The following ADGRL3 variants were observed in gnomAD, a reference collection of about 807,000 sequenced individuals.
ADGRL3 encodes the protein calcium-independent alpha-latrotoxin receptor 3.
A neutral mutation model predicts 153.5 loss-of-function variants in ADGRL3; 62 were observed. The observed-to-expected ratio is 0.40, with a 90% CI of 0.33 to 0.50. The LOEUF is 0.50. ADGRL3 is among the 20% of genes least tolerant of loss of function. The probability of loss-of-function intolerance (pLI) is 0.47; values close to 1 mark genes in which losing one functional copy is unlikely to be tolerated. For missense variants in ADGRL3, 1,641 were observed against 1,859.4 expected, an observed-to-expected ratio of 0.88 and a Z score of 2.16; for synonymous variants, 710 against 672.5, an observed-to-expected ratio of 1.06 and a Z score of -0.86.
intron 2 of ADGRL3, among the ~76,000 whole-genome samples, chr4:61,386,752 T>C (rs1377055673): frequency 1.3e-5 from 2 of 152,186 alleles, no homozygotes; most frequent in African/African-American, 2.4e-5. Flanking sequence ...AAACACTGCC[T>C]TAATCAGAAA....
intron 9 of ADGRL3, among the ~76,000 whole-genome samples, chr4:61,845,188 T>A (rs1248747756): frequency 5.3e-5 from 8 of 152,186 alleles, no homozygotes; most frequent in Admixed American, 5.2e-4. Flanking sequence ...TCACAAAATG[T>A]TTTGGAATGC....
intron 17 of ADGRL3, among the ~76,000 whole-genome samples, chr4:61,974,439 A>T (rs1008067828): frequency 5.3e-5 from 8 of 152,242 alleles, no homozygotes; most frequent in African/African-American, 1.9e-4. Flanking sequence ...TATTTTTCTG[A>T]TCCTCTCTAT....
chr4:61,500,760 A>G (rs1184700216), intron 3 of ADGRL3, among the ~76,000 whole-genome samples: 1 of 152,182 alleles, frequency 6.6e-6, no homozygotes, highest in Non-Finnish European at 1.5e-5. Context: ...AGTTCACTTA[A>G]TATTCACTAT....
intron 2 of ADGRL3, among the ~76,000 whole-genome samples, chr4:61,476,211 G>A (rs766098147): frequency 1.3e-5 from 2 of 151,956 alleles, no homozygotes; most frequent in Non-Finnish European, 2.9e-5. Context: ...GTTTATAAGG[G>A]CAATAACTCT....
intron 1 of ADGRL3, among the ~76,000 whole-genome samples, chr4:61,253,815 A>G (rs2091707478): frequency 2.0e-5 from 3 of 152,146 alleles, no homozygotes; most frequent in Non-Finnish European, 4.4e-5. Context: ...CTTTATAATG[A>G]AAGTGAGCTT....
At chr4:61,923,167 A>G (rs2098778135) in intron 13 of ADGRL3, among the ~76,000 whole-genome samples, 1 of 152,236 alleles carries the variant, frequency 6.6e-6, no homozygotes, top group Non-Finnish European at 1.5e-5. Flanking sequence ...AAAAAACTCA[A>G]GAGTCTGAGT....
At chr4:61,393,132 A>G (rs2096832535) in intron 2 of ADGRL3, among the ~76,000 whole-genome samples, 2 of 152,126 alleles carry the variant, frequency 1.3e-5, no homozygotes, top group South Asian at 4.1e-4. Flanking sequence ...TCATTTGTCC[A>G]ATTAGCAAGA....
chr4:61,775,728 G>T, intron 8 of ADGRL3: 1 of 1,052,668 alleles, frequency 9.5e-7, no homozygotes, highest in Non-Finnish European at 1.5e-6. Flanking sequence ...GCTTGTCTAA[G>T]CCTTTGGTAG....
At chr4:61,814,693 C>T (rs2097668095) in intron 9 of ADGRL3, among the ~76,000 whole-genome samples, 1 of 152,086 alleles carries the variant, frequency 6.6e-6, no homozygotes, top group South Asian at 2.1e-4. Context: ...AACATGTTTT[C>T]TGTATAGCCT....
At chr4:61,573,484 A>G (rs1296194322) in intron 4 of ADGRL3, among the ~76,000 whole-genome samples, 5 of 151,978 alleles carry the variant, frequency 3.3e-5, no homozygotes, top group African/African-American at 4.8e-5. Flanking sequence ...GAGAACATAT[A>G]TCTAATTTCT....
At chr4:61,714,563 A>G (rs2151528456) in intron 6 of ADGRL3, among the ~76,000 whole-genome samples, 1 of 152,220 alleles carries the variant, frequency 6.6e-6, no homozygotes, top group Admixed American at 6.5e-5. Context: ...ACTTTCCTCC[A>G]TGCCAGTGGC....
At position 62,031,411 on chromosome 4, in the gene ADGRL3, A is replaced by C. The variant is rs371226577; in HGVS notation, c.3423-31A>C. On this transcript the variant is annotated intron_variant, in intron 22 of 26. Transcript: ENST00000683033. ...GTTGTTAATTAAAGATCAATTATTT[A>C]ATAACCCTTAATTTTCTCTTCTCTC... The C allele has an allele frequency of 4.6e-5, 70 of 1,532,944 alleles. No individual in the cohort carries two copies. The African/African-American group carries it at 8.6e-4, about 19-fold the overall frequency. The allele number at this position is 1,532,944 out of a possible 1,614,324, so 95.0% of individuals were successfully genotyped here.
intron 19 of ADGRL3, among the ~76,000 whole-genome samples, chr4:61,987,759 T>C (rs2099090858): frequency 1.3e-5 from 2 of 152,190 alleles, no homozygotes; most frequent in African/African-American, 2.4e-5. Context: ...TGGAACTTCA[T>C]GATTCTTAAG....
chr4:62,043,186 T>C (rs1729325124), intron 24 of ADGRL3, among the ~76,000 whole-genome samples: 9 of 152,144 alleles, frequency 5.9e-5, no homozygotes, highest in Admixed American at 5.9e-4. Flanking sequence ...TACTTTTGCA[T>C]TTATTTTTGT....
chr4:61,853,152 C>A (rs1477840183), intron 9 of ADGRL3, among the ~76,000 whole-genome samples: 1 of 152,032 alleles, frequency 6.6e-6, no homozygotes, highest in Non-Finnish European at 1.5e-5. Flanking sequence ...AAGTCCCTAA[C>A]TGAATTCTGT....
chr4:61,709,984 A>T (rs1286192636), intron 6 of ADGRL3, among the ~76,000 whole-genome samples: 1 of 152,186 alleles, frequency 6.6e-6, no homozygotes, highest in African/African-American at 2.4e-5. Context: ...TCAAGGAAGC[A>T]TATATTATTA....
chr4:61,279,148 A>G (rs916557773), intron 1 of ADGRL3, among the ~76,000 whole-genome samples: 5 of 152,168 alleles, frequency 3.3e-5, no homozygotes, highest in Non-Finnish European at 7.3e-5. Context: ...AAGTTGTAAT[A>G]TTTCAGCTTA....
chr4:61,459,628 C>T (rs945062084), intron 2 of ADGRL3, among the ~76,000 whole-genome samples: 3 of 152,164 alleles, frequency 2.0e-5, no homozygotes, highest in Middle Eastern at 3.4e-3. Flanking sequence ...TGAGAAACCT[C>T]CATACTGTTT....
intron 1 of ADGRL3, among the ~76,000 whole-genome samples, chr4:61,247,507 G>T (rs1757559530): frequency 1.3e-5 from 2 of 151,844 alleles, no homozygotes; most frequent in African/African-American, 2.4e-5. Context: ...CATTTCAAAG[G>T]GTTTGTTTTT....
Sources: allele counts gnomAD v4.1 joint callset (sites outside exome capture counted in the v4.1 genomes callset), GRCh38; gene constraint gnomAD v4.1.1; transcripts MANE v1.5; gene names NCBI Gene and HGNC (gene_info 2026-07-23, HGNC 2026-07-21).